BANK1: variants seen among roughly 807,000 people sequenced by gnomAD.
The protein encoded by BANK1 is B cell scaffold protein with ankyrin repeats 1.
A neutral mutation model predicts 94.5 loss-of-function variants in BANK1; 95 were observed. The observed-to-expected ratio is 1.00, with a 90% CI of 0.85 to 1.19. The LOEUF (loss-of-function observed/expected upper bound fraction) is 1.19. Among genes scored for constraint, BANK1 ranks in the 50% most tolerant of loss-of-function variants. The pLI is 0.00. For missense variants in BANK1, 987 were observed against 932.2 expected, an observed-to-expected ratio of 1.06 and a Z score of -0.77; for synonymous variants, 334 against 308.4, an observed-to-expected ratio of 1.08 and a Z score of -0.87.
Position 101,894,638 on chromosome 4 carries a change from G to C in BANK1, c.904-667G>C, listed in dbSNP as rs184151268. 6.3e-3 allele frequency among the ~76,000 whole-genome samples: 960 copies of C among 151,944 alleles called. 6 individuals carry two copies. Among genetic ancestry groups the C allele is most frequent in the Non-Finnish European group, 0.01 (711 of 67,876 alleles). ...CCTTAGCTATAATCACCTGTGTCTT[G>C]AGCAATTTCGTCCCAGTCATAGCAT... On this transcript the variant is annotated intron_variant, in intron 5 of 16. Coordinates refer to ENST00000322953, the MANE Select transcript of BANK1 (RefSeq NM_017935.5).
chr4:102,040,020 C>G (rs996407935), intron 10 of BANK1, among the ~76,000 whole-genome samples: 1 of 152,034 alleles, frequency 6.6e-6, no homozygotes, highest in Admixed American at 6.6e-5. Flanking sequence ...ATTTTTATCA[C>G]TATAGCCACT....
chr4:101,936,372 TGTGCATAC>T (rs1206875511), intron 7 of BANK1, among the ~76,000 whole-genome samples: 4 of 149,974 alleles, frequency 2.7e-5, no homozygotes, highest in African/African-American at 7.3e-5. Context: ...TGCATATATG[TGTGCATAC>T]ATGCATACAT....
chr4:101,866,333 T>C (rs541177515), intron 4 of BANK1, among the ~76,000 whole-genome samples: 1 of 152,280 alleles, frequency 6.6e-6, no homozygotes, highest in South Asian at 2.1e-4. Context: ...TTTTTTTGTC[T>C]GTTTGTTTTT....
chr4:102,010,027 G>A (rs868111368), intron 7 of BANK1, among the ~76,000 whole-genome samples: 3 of 152,170 alleles, frequency 2.0e-5, no homozygotes, highest in Admixed American at 2.0e-4. Flanking sequence ...AGCACTTTGG[G>A]AGGCTAAGGT....
At chr4:101,967,310 T>C (rs781443767) in intron 7 of BANK1, among the ~76,000 whole-genome samples, 4 of 151,924 alleles carry the variant, frequency 2.6e-5, no homozygotes, top group Non-Finnish European at 4.4e-5. Context: ...TCCAAGAAAA[T>C]TGCAAAGGAT....
At chr4:101,967,830 G>A (rs944334792) in intron 7 of BANK1, among the ~76,000 whole-genome samples, 11 of 152,028 alleles carry the variant, frequency 7.2e-5, no homozygotes, top group Non-Finnish European at 1.0e-4. Flanking sequence ...GAAGAAGTGA[G>A]GTTGAAATTA....
At chr4:101,829,766 G>A (rs1398548942) in intron 1 of BANK1, 42 bp from the exon 2 acceptor site, 3 of 1,316,510 alleles carry the variant, frequency 2.3e-6, no homozygotes, top group Admixed American at 2.6e-5. Context: ...TTAACCTGCT[G>A]ATAGCATTGC....
chr4:101,997,944 C>A (rs1414793429), intron 7 of BANK1, among the ~76,000 whole-genome samples: 1 of 151,940 alleles, frequency 6.6e-6, no homozygotes, highest in Non-Finnish European at 1.5e-5. Flanking sequence ...TTAGTTATTT[C>A]TTGTCTTCTG....
chr4:101,801,136 T>C (rs1452455746), intron 1 of BANK1, among the ~76,000 whole-genome samples: 1 of 152,174 alleles, frequency 6.6e-6, no homozygotes, highest in Non-Finnish European at 1.5e-5. Context: ...CATGTGGCTG[T>C]TGAGGACTTA....
chr4:101,944,345 C>A (rs192969922), intron 7 of BANK1, among the ~76,000 whole-genome samples: 41 of 151,968 alleles, frequency 2.7e-4, no homozygotes, highest in Middle Eastern at 3.4e-3. Context: ...TTGGACCTCC[C>A]TTGGCTCATC....
chr4:101,941,558 G>A (rs1052277123), intron 7 of BANK1, among the ~76,000 whole-genome samples: 1 of 151,812 alleles, frequency 6.6e-6, no homozygotes, highest in Admixed American at 6.6e-5. Flanking sequence ...AAACCTACAA[G>A]AGGATAAAGA....
intron 5 of BANK1, among the ~76,000 whole-genome samples, chr4:101,873,724 A>C (rs1253278396): frequency 6.6e-6 from 1 of 152,154 alleles, no homozygotes; most frequent in Non-Finnish European, 1.5e-5. Flanking sequence ...ATAAAGGTGA[A>C]ATTTCCAGAA....
chr4:101,805,627 T>A (rs1725524997), intron 1 of BANK1, among the ~76,000 whole-genome samples: 1 of 149,716 alleles, frequency 6.7e-6, no homozygotes, highest in Non-Finnish European at 1.5e-5. Context: ...ATGTATTATA[T>A]ACATATAAAT....
chr4:101,819,148 C>A (rs778158702), intron 1 of BANK1, among the ~76,000 whole-genome samples: 1 of 151,940 alleles, frequency 6.6e-6, no homozygotes, highest in African/African-American at 2.4e-5. Context: ...CCAAAAAATA[C>A]CATGGTGGTA....
chr4:101,856,193 C>T (rs1727674209), intron 3 of BANK1, among the ~76,000 whole-genome samples: 1 of 152,098 alleles, frequency 6.6e-6, no homozygotes. Context: ...TTAGTTTCCT[C>T]ACCCTCACTC....
At chr4:101,906,457 A>T (rs1265534425) in intron 6 of BANK1, among the ~76,000 whole-genome samples, 1 of 152,162 alleles carries the variant, frequency 6.6e-6, no homozygotes, top group East Asian at 1.9e-4. Context: ...CTGCTCAGTC[A>T]CTGGGGCAAC....
At chr4:101,792,259 C>CCT (rs904242269) in intron 1 of BANK1, among the ~76,000 whole-genome samples, 3 of 139,280 alleles carry the variant, frequency 2.2e-5, no homozygotes, top group East Asian at 4.6e-4. Flanking sequence ...TTCCGCTCCC[C>CCT]CCCCGCCCCG....
At chr4:101,855,288 A>G (rs1727641010) in intron 3 of BANK1, 99 bp downstream of exon 3, 3 of 1,248,082 alleles carry the variant, frequency 2.4e-6, no homozygotes, top group African/African-American at 1.5e-5. Context: ...TAGGTTGCCC[A>G]GGCTGGTCTT....
At chr4:101,992,184 G>A (rs530042172) in intron 7 of BANK1, among the ~76,000 whole-genome samples, 13 of 152,222 alleles carry the variant, frequency 8.5e-5, no homozygotes, top group African/African-American at 2.6e-4. Context: ...ACTGAACCAT[G>A]TTGACATTTT....
Sources: gnomAD v4.1 joint callset for allele counts (sites outside exome capture counted in the v4.1 genomes callset) on GRCh38, gnomAD v4.1.1 for gene constraint, MANE v1.5 for transcripts, NCBI Gene and HGNC (gene_info 2026-07-23, HGNC 2026-07-21) for gene names.